KLC1: variants seen among roughly 807,000 people sequenced by gnomAD.
The protein encoded by KLC1 is kinesin light chain 1.
KLC1 carries 30 observed loss-of-function variants against 84.2 expected under a neutral mutation model. That is an observed-to-expected ratio of 0.36 (90% CI 0.27 to 0.48). The LOEUF is 0.48. Ranked by LOEUF, KLC1 falls within the 20% of genes least tolerant of loss-of-function variation. The pLI, the probability that KLC1 is intolerant of heterozygous loss-of-function variation, is 0.99. For missense variants in KLC1, 499 were observed against 805.4 expected (o/e 0.62, Z 4.60); for synonymous variants, 289 against 293.3 (o/e 0.99, Z 0.15).
chr14:103,639,432 T>G (rs925606398), intron 1 of KLC1, among the ~76,000 whole-genome samples: 1 of 150,500 alleles, frequency 6.6e-6, no homozygotes, highest in African/African-American at 2.4e-5. Flanking sequence ...CGCCTGGCTC[T>G]TTCTTGTCTT....
chr14:103,672,426 G>T (rs998276443), intron 7 of KLC1, among the ~76,000 whole-genome samples: 2 of 152,142 alleles, frequency 1.3e-5, no homozygotes, highest in Non-Finnish European at 2.9e-5. Flanking sequence ...ATACTCTTGG[G>T]GCTTACATTG....
intron 7 of KLC1, among the ~76,000 whole-genome samples, chr14:103,671,306 A>G (rs8007903): frequency 0.27 from 41,791 of 152,030 alleles, 6,361 homozygotes; most frequent in East Asian, 0.53. Context: ...AGTGCTGTGT[A>G]TGACAATCTC....
At chr14:103,696,091 C>CGGGGGGG in intron 15 of KLC1, 10 of 744,638 alleles carry the variant, frequency 1.3e-5, no homozygotes, top group Non-Finnish European at 1.3e-5. Context: ...ATAATCACTG[C>CGGGGGGG]GCCCCCGCCC....
chr14:103,661,514 A>G (rs1337471198), intron 3 of KLC1, among the ~76,000 whole-genome samples: 1 of 152,190 alleles, frequency 6.6e-6, no homozygotes, highest in East Asian at 1.9e-4. Context: ...CCGGAGCCAA[A>G]CAGTGTTCAT....
chr14:103,660,882 G>A (rs1270430707), intron 3 of KLC1, among the ~76,000 whole-genome samples: 15 of 152,162 alleles, frequency 9.9e-5, no homozygotes, highest in African/African-American at 3.6e-4. Flanking sequence ...TGCAGATGTC[G>A]ATGCCAGCAG....
intron 7 of KLC1, among the ~76,000 whole-genome samples, chr14:103,671,207 AT>A (rs1162217308): frequency 6.6e-6 from 1 of 152,314 alleles, no homozygotes; most frequent in East Asian, 1.9e-4. Context: ...AGAGCTATAG[AT>A]TAAGTCAATG....
chr14:103,678,759 G>A (rs893823238), intron 12 of KLC1, among the ~76,000 whole-genome samples: 8 of 151,858 alleles, frequency 5.3e-5, no homozygotes, highest in Non-Finnish European at 1.2e-4. Flanking sequence ...TGCAAATGAT[G>A]TATCTCATAA....
At chr14:103,691,593 C>G (rs542860630) in intron 14 of KLC1, among the ~76,000 whole-genome samples, 2 of 151,286 alleles carry the variant, frequency 1.3e-5, no homozygotes, top group South Asian at 4.2e-4. Flanking sequence ...CTCAGCCTCC[C>G]AAGTAGCTGG....
intron 11 of KLC1, among the ~76,000 whole-genome samples, chr14:103,676,099 C>T (rs1203407111): frequency 2.6e-5 from 4 of 152,210 alleles, no homozygotes; most frequent in Non-Finnish European, 5.9e-5. Flanking sequence ...GATCCACACA[C>T]ACTCCTTTTC....
chr14:103,651,297 C>G (rs570641720), intron 1 of KLC1, among the ~76,000 whole-genome samples: 2 of 152,192 alleles, frequency 1.3e-5, no homozygotes, highest in Admixed American at 1.3e-4. Flanking sequence ...CGTCGGCCAC[C>G]GCGCCCAGCT....
chr14:103,669,718 A>G (rs2080217929), intron 6 of KLC1, 120 bp downstream of exon 6: 1 of 712,100 alleles, frequency 1.4e-6, no homozygotes, highest in Non-Finnish European at 2.5e-6. Context: ...TTTTCCCTAG[A>G]TGGTGCAGGT....
At chr14:103,632,947 G>A (rs150736718) in intron 1 of KLC1, among the ~76,000 whole-genome samples, 134 of 152,248 alleles carry the variant, frequency 8.8e-4, no homozygotes, top group African/African-American at 3.1e-3. Context: ...CTGTAAAGGG[G>A]CATGTTGGGA....
intron 3 of KLC1, among the ~76,000 whole-genome samples, chr14:103,660,542 AT>A (rs1055838992): frequency 2.2e-4 from 33 of 151,894 alleles, no homozygotes; most frequent in Admixed American, 6.6e-4. Flanking sequence ...TAATCCCAAC[AT>A]TTTGGGAGGC....
chr14:103,662,575 A>C lies in KLC1; in HGVS notation c.572-127A>C, dbSNP rs545306832. ...TGCCTGCCCAGACAGTACTAGGAAA[A>C]GATTTAAATAGCACTGGGGGCCAAG... On this transcript the variant is annotated intron_variant, in intron 4 of 16. Coordinates refer to ENST00000334553, the MANE Select transcript of KLC1 (RefSeq NM_001394837.1). 5.5e-6 allele frequency: 4 copies of C among 723,146 alleles called. No individual in the cohort carries two copies. In the East Asian group the frequency reaches 1.1e-4, roughly 19 times the overall value. The allele number at this position is 723,146 out of a possible 1,614,324, so 44.8% of individuals were successfully genotyped here.
chr14:103,652,176 C>T (rs2078502958), intron 1 of KLC1, among the ~76,000 whole-genome samples: 1 of 152,186 alleles, frequency 6.6e-6, no homozygotes, highest in Non-Finnish European at 1.5e-5. Context: ...TATTTTCCTC[C>T]TCCTGAAGAC....
intron 3 of KLC1, among the ~76,000 whole-genome samples, chr14:103,660,981 G>T (rs2079235773): frequency 6.6e-6 from 1 of 152,160 alleles, no homozygotes; most frequent in African/African-American, 2.4e-5. Context: ...TTTTGAAAAA[G>T]TGTTAAACTT....
intron 12 of KLC1, among the ~76,000 whole-genome samples, chr14:103,678,120 C>CA (rs1267710013): frequency 2.0e-5 from 3 of 151,978 alleles, no homozygotes; most frequent in Admixed American, 6.6e-5. Context: ...ACTAAAAACA[C>CA]AGTGCAGTGG....
intron 1 of KLC1, among the ~76,000 whole-genome samples, chr14:103,642,137 C>G (rs2077542022): frequency 6.6e-6 from 1 of 152,102 alleles, no homozygotes; most frequent in African/African-American, 2.4e-5. Flanking sequence ...ACCATATTGA[C>G]TAGGCTGGTC....
intron 1 of KLC1, among the ~76,000 whole-genome samples, chr14:103,642,419 A>G (rs578241959): frequency 6.6e-6 from 1 of 152,156 alleles, no homozygotes; most frequent in African/African-American, 2.4e-5. Flanking sequence ...TGGGCAAGGT[A>G]TTTTGTACAA....
Sources: allele counts gnomAD v4.1 joint callset (sites outside exome capture counted in the v4.1 genomes callset), GRCh38; gene constraint gnomAD v4.1.1; transcripts MANE v1.5; gene names NCBI Gene and HGNC (gene_info 2026-07-23, HGNC 2026-07-21).